Variants in ARHGAP29 observed in about 807,000 individuals in gnomAD.
ARHGAP29 encodes the protein rho GTPase-activating protein 29.
Under a neutral mutation model 122.6 loss-of-function variants are expected in ARHGAP29, and 43 were observed. The ratio of observed to expected loss-of-function variants is 0.35; its 90% CI spans 0.27 to 0.45. The LOEUF (loss-of-function observed/expected upper bound fraction) is 0.45, where lower values mean the gene tolerates loss of function less well. Ranked by LOEUF, ARHGAP29 falls within the 20% of genes least tolerant of loss-of-function variation. The pLI is 1.00. For missense variants in ARHGAP29, 1,303 were observed against 1,477.2 expected, an observed-to-expected ratio of 0.88 and a Z score of 1.93; for synonymous variants, 506 against 497.1, an observed-to-expected ratio of 1.02 and a Z score of -0.24.
rs180844220 is a variant in ARHGAP29, at chr1:94,178,840, T to C, written c.2481-673A>G. Among the ~76,000 whole-genome samples the C allele has an allele frequency of 1.2e-4, 18 of 152,358 alleles. 1 individual carries two copies. The East Asian group carries it at 3.1e-3, about 26-fold the overall frequency. On this transcript the variant is annotated intron_variant, in intron 20 of 22. Coordinates refer to ENST00000260526, the MANE Select transcript of ARHGAP29 (RefSeq NM_004815.4). ...TGGCTCAGTTTCTGCTACTGCTTGC[T>C]GTATTGCAGCCTAACCAATTCACTT...
intron 1 of ARHGAP29, among the ~76,000 whole-genome samples, chr1:94,245,720 C>CG (rs1293938624): frequency 6.6e-6 from 1 of 152,080 alleles, no homozygotes; most frequent in Non-Finnish European, 1.5e-5. Context: ...CTATTGCTAC[C>CG]GAAGATGCAA....
chr1:94,252,925 A>G (rs1654156342), intron 1 of ARHGAP29, among the ~76,000 whole-genome samples: 1 of 152,158 alleles, frequency 6.6e-6, no homozygotes, highest in Non-Finnish European at 1.5e-5. Context: ...ATAAAATTTC[A>G]TAAGTTTCAG....
At chr1:94,194,540 T>A (rs568295185) in intron 12 of ARHGAP29, 1 of 152,112 alleles carries the variant, frequency 6.6e-6, no homozygotes, top group South Asian at 2.1e-4. Flanking sequence ...AGATTCAGGG[T>A]CTGGTGTGGG....
chr1:94,231,371 C>T, intron 2 of ARHGAP29, 36 bp downstream of exon 2: 1 of 1,569,706 alleles, frequency 6.4e-7, no homozygotes, highest in Non-Finnish European at 8.8e-7. Flanking sequence ...ATTTTACAAA[C>T]TATCCAGCAA....
In ARHGAP29 at chr1:94,173,783, G is replaced by A; in HGVS notation, c.*86C>T. The A allele has an allele frequency of 3.4e-6, 5 of 1,478,202 alleles. No individual in the cohort carries two copies. Among genetic ancestry groups the A allele is most frequent in the East Asian group, 2.3e-5 (1 of 43,906 alleles). 91.6% of individuals were successfully genotyped at this position (1,478,202 alleles called of 1,614,324 possible). ...GATTTGGCAGTCCTATACAAAAGAG[G>A]CCCTGTCAAAACATTCTTTCACAAA... On this transcript the variant is annotated 3_prime_UTR_variant, in exon 23 of 23. Coordinates refer to ENST00000260526, the MANE Select transcript of ARHGAP29 (RefSeq NM_004815.4).
At chr1:94,250,784 C>T (rs114839430) in intron 1 of ARHGAP29, among the ~76,000 whole-genome samples, 165 of 152,286 alleles carry the variant, frequency 1.1e-3, no homozygotes, top group Non-Finnish European at 2.1e-3. Flanking sequence ...ACTCATGTTA[C>T]GTCCAAATTA....
In ARHGAP29 at chr1:94,188,904, A is replaced by T. The variant is rs140986428; in HGVS notation, c.1614T>A (p.Phe538Leu). ...SFIRSWTFGM[F>L]SDSESTGGSS... ...TCCCTCCAGTGCTCTCAGAATCACT[A>T]AACATCCCAAATGTCCATGATCTTA... Residue 538 changes from phenylalanine to leucine, a missense_variant, in exon 15 of 23, where the codon TTT becomes TTA. Phe to Leu is a conservative substitution (Grantham distance 22, BLOSUM62 0). Around this residue, in one of 3 missense-constraint regions of ARHGAP29, gnomAD observed 592 missense variants for 648.2 expected, o/e 0.91. Transcript: ENST00000260526. 8.1e-6 allele frequency: 13 copies of T among 1,613,208 alleles called. No homozygotes were observed. In the African/African-American group the frequency reaches 1.7e-4, roughly 22 times the overall value.
chr1:94,212,891 AC>A (rs2101556185), intron 3 of ARHGAP29, among the ~76,000 whole-genome samples: 1 of 152,070 alleles, frequency 6.6e-6, no homozygotes, highest in South Asian at 2.1e-4. Context: ...ATTCTCCAAA[AC>A]CCTATACCAA....
chr1:94,175,211 T>A (rs965139244), intron 22 of ARHGAP29, among the ~76,000 whole-genome samples: 1 of 152,178 alleles, frequency 6.6e-6, no homozygotes, highest in African/African-American at 2.4e-5. Context: ...TGAGAGCATA[T>A]GATATTAGAT....
At chr1:94,295,880 A>G in the ARHGAP29 span, among the ~76,000 whole-genome samples, 1 of 152,212 alleles carries the variant, frequency 6.6e-6, no homozygotes, top group African/African-American at 2.4e-5. Flanking sequence ...ACCCTGAGGC[A>G]AGAAACAGTG....
At chr1:94,309,768 T>C in the ARHGAP29 span, among the ~76,000 whole-genome samples, 1 of 152,182 alleles carries the variant, frequency 6.6e-6, no homozygotes, top group Non-Finnish European at 1.5e-5. Flanking sequence ...TCAATTCCTC[T>C]GTTACAACCA....
chr1:94,177,823 T>G (rs1317754957), intron 21 of ARHGAP29, 29 bp downstream of exon 21: 5 of 1,576,436 alleles, frequency 3.2e-6, no homozygotes, highest in Non-Finnish European at 3.4e-6. Context: ...TACAAAGTTC[T>G]AATATAATTC....
rs1355970231 is a variant in ARHGAP29, at chr1:94,170,007, G to C, written c.*3862C>G. Among the ~76,000 whole-genome samples, 1 of 152,192 alleles carries C rather than the reference G, an allele frequency of 6.6e-6. No homozygotes were observed. The highest frequency in any genetic ancestry group is 6.5e-5 in the Admixed American group (1 of 15,278). On this transcript the variant is annotated 3_prime_UTR_variant, in exon 23 of 23. Coordinates refer to ENST00000260526, the MANE Select transcript of ARHGAP29 (RefSeq NM_004815.4). Reference sequence around the variant, plus strand: ...GGAAGAGCTCTTCCTTACAGTAGTAGGATGCCAACCAAGGCAGAAGCCACG... The same window carrying C: ...GGAAGAGCTCTTCCTTACAGTAGTACGATGCCAACCAAGGCAGAAGCCACG...
the ARHGAP29 span, chr1:94,302,696 G>A: frequency 2.3e-6 from 1 of 435,260 alleles, no homozygotes; most frequent in Non-Finnish European, 4.6e-6. Context: ...AGCCGAACAG[G>A]AAGCTCAGTG....
chr1:94,237,498 G>GC lies in ARHGAP29; in HGVS notation c.-117dup. 1 of 989,440 alleles carries GC rather than the reference G, an allele frequency of 1.0e-6. No homozygotes were observed. Among genetic ancestry groups the GC allele is most frequent in the Non-Finnish European group, 1.2e-6 (1 of 832,718 alleles). The allele number at this position is 989,440 out of a possible 1,614,324, so 61.3% of individuals were successfully genotyped here. On this transcript the variant is annotated 5_prime_UTR_variant, in exon 1 of 23. It removes the in-frame stop codon of an upstream open reading frame in the 5' UTR. Coordinates refer to ENST00000260526, the MANE Select transcript of ARHGAP29 (RefSeq NM_004815.4). ...CCACCGCCGAGGGCTGGAGCTCGCT[G>GC]CCCCCATCCCCCACGGCCTGCGGAC...
chr1:94,253,253 G>T (rs1275547912), intron 1 of ARHGAP29, among the ~76,000 whole-genome samples: 2 of 152,130 alleles, frequency 1.3e-5, no homozygotes, highest in Non-Finnish European at 2.9e-5. Flanking sequence ...ACAGGTGTGA[G>T]CCACTGCGCC....
the ARHGAP29 span, among the ~76,000 whole-genome samples, chr1:94,295,721 C>CACAATGTGGAATCTTCTAATTCCAT: frequency 4.6e-5 from 7 of 151,260 alleles, no homozygotes; most frequent in African/African-American, 1.7e-4. Context: ...TCTAACTCCA[C>CACAATGTGGAATCTTCTAATTCCAT]ACAATGTGGA....
intron 1 of ARHGAP29, among the ~76,000 whole-genome samples, chr1:94,268,832 G>A (rs983116156): frequency 5.9e-5 from 9 of 151,924 alleles, no homozygotes; most frequent in African/African-American, 2.2e-4. Context: ...GATATATGTA[G>A]AGAGAGACAA....
upstream of ARHGAP29, among the ~76,000 whole-genome samples, chr1:94,277,970 A>T (rs1409605610): frequency 1.3e-5 from 2 of 152,166 alleles, no homozygotes; most frequent in Admixed American, 6.5e-5. Flanking sequence ...GACACATCTC[A>T]GTAGCTTTGG....
Sources: gnomAD v4.1 joint callset for allele counts (sites outside exome capture counted in the v4.1 genomes callset) on GRCh38, gnomAD v4.1.1 for gene constraint, gnomAD v4.1.1 regional missense constraint, MANE v1.5 for transcripts, NCBI Gene and HGNC (gene_info 2026-07-23, HGNC 2026-07-21) for gene names.